RGS7BP: variants seen among roughly 807,000 people sequenced by gnomAD.
RGS7BP encodes the protein regulator of G protein signaling 7-binding protein.
In RGS7BP, 9 loss-of-function variants were observed where a neutral mutation model predicts 31.3. The ratio of observed to expected loss-of-function variants is 0.29; its 90% confidence interval spans 0.17 to 0.50. RGS7BP has a LOEUF of 0.50. Ranked by LOEUF, RGS7BP falls within the 20% of genes least tolerant of loss-of-function variation. RGS7BP has a pLI of 0.98. For missense variants in RGS7BP, 274 were observed against 322.0 expected (o/e 0.85, Z 1.14); for synonymous variants, 115 against 120.1 (o/e 0.96, Z 0.28).
intron 2 of RGS7BP, among the ~76,000 whole-genome samples, chr5:64,524,914 G>A: frequency 6.6e-6 from 1 of 152,074 alleles, no homozygotes; most frequent in Admixed American, 6.5e-5. Context: ...AGTCCCCAGA[G>A]TGGGTGGGTT....
chr5:64,575,932 A>C, intron 3 of RGS7BP, 28 bp downstream of exon 3: 2 of 1,598,318 alleles, frequency 1.3e-6, no homozygotes, highest in Non-Finnish European at 1.7e-6. Flanking sequence ...TGCCGGAAAC[A>C]CTGAGGAATG....
chr5:64,563,443 A>G (rs1185932146), intron 2 of RGS7BP, among the ~76,000 whole-genome samples: 3 of 152,168 alleles, frequency 2.0e-5, no homozygotes, highest in African/African-American at 7.2e-5. Flanking sequence ...GTGGGCCTCT[A>G]ATCCATCATG....
intron 3 of RGS7BP, among the ~76,000 whole-genome samples, chr5:64,583,159 A>G (rs1243297452): frequency 6.6e-6 from 1 of 152,174 alleles, no homozygotes; most frequent in East Asian, 1.9e-4. Flanking sequence ...AGGCCGAGGC[A>G]GGCAGATCGC....
chr5:64,577,744 T>TAC (rs1349057344), intron 3 of RGS7BP, among the ~76,000 whole-genome samples: 2 of 152,126 alleles, frequency 1.3e-5, no homozygotes, highest in African/African-American at 4.8e-5. Flanking sequence ...CTCTGACACA[T>TAC]ACACACACAC....
chr5:64,516,766 C>G (rs576554936), intron 2 of RGS7BP, among the ~76,000 whole-genome samples: 16 of 152,138 alleles, frequency 1.1e-4, no homozygotes, highest in Non-Finnish European at 2.4e-4. Flanking sequence ...TGAGGCCTAC[C>G]TGCCTAGAAT....
At chr5:64,540,310 G>A (rs149585676) in intron 2 of RGS7BP, among the ~76,000 whole-genome samples, 16 of 152,170 alleles carry the variant, frequency 1.1e-4, no homozygotes, top group African/African-American at 3.9e-4. Context: ...AACTCATGTT[G>A]TATGTACCAC....
intron 2 of RGS7BP, among the ~76,000 whole-genome samples, chr5:64,519,661 C>T (rs1347888967): frequency 1.3e-5 from 2 of 152,304 alleles, no homozygotes; most frequent in Middle Eastern, 3.4e-3. Flanking sequence ...GGAAAGAGAA[C>T]TAGGAGTTTA....
At chr5:64,597,794 G>A (rs1160295360) in intron 4 of RGS7BP, among the ~76,000 whole-genome samples, 2 of 151,966 alleles carry the variant, frequency 1.3e-5, no homozygotes, top group South Asian at 4.2e-4. Context: ...TGGGTAAAAC[G>A]TACATTATTG....
intron 2 of RGS7BP, among the ~76,000 whole-genome samples, chr5:64,544,199 C>A (rs1181161658): frequency 3.3e-5 from 5 of 152,170 alleles, no homozygotes; most frequent in Non-Finnish European, 7.3e-5. Context: ...ACAGTTCTTG[C>A]CTTCATAAAG....
intron 2 of RGS7BP, among the ~76,000 whole-genome samples, chr5:64,525,576 A>T (rs1161485567): frequency 1.3e-5 from 2 of 152,178 alleles, no homozygotes; most frequent in Non-Finnish European, 2.9e-5. Context: ...ATCCTTTCTA[A>T]CACCTCTATG....
chr5:64,534,074 A>G (rs1029508024), intron 2 of RGS7BP, among the ~76,000 whole-genome samples: 18 of 152,246 alleles, frequency 1.2e-4, no homozygotes, highest in African/African-American at 4.3e-4. Context: ...GGAAAAGAGC[A>G]GCTGATTCAG....
chr5:64,588,515 C>T (rs1433393072), intron 3 of RGS7BP, among the ~76,000 whole-genome samples: 1 of 152,198 alleles, frequency 6.6e-6, no homozygotes, highest in Non-Finnish European at 1.5e-5. Context: ...GGCCCTTTTG[C>T]TCCTCACTGT....
intron 1 of RGS7BP, 26 bp from the exon 2 acceptor site, chr5:64,507,681 TAAAA>T: frequency 7.7e-7 from 1 of 1,296,192 alleles, no homozygotes; most frequent in Non-Finnish European, 1.0e-6. Flanking sequence ...AAATGTTTGG[TAAAA>T]AAAAAAAAAC....
At chr5:64,588,976 G>A (rs941525443) in intron 3 of RGS7BP, among the ~76,000 whole-genome samples, 1 of 152,078 alleles carries the variant, frequency 6.6e-6, no homozygotes, top group African/African-American at 2.4e-5. Context: ...GTATCTCAAT[G>A]AATCGCTTTG....
intron 2 of RGS7BP, among the ~76,000 whole-genome samples, chr5:64,557,639 C>G (rs1741959780): frequency 6.6e-6 from 1 of 152,080 alleles, no homozygotes; most frequent in Non-Finnish European, 1.5e-5. Context: ...TTGTGTATCC[C>G]CTGCCTTTCC....
intron 2 of RGS7BP, among the ~76,000 whole-genome samples, chr5:64,537,106 AT>A (rs1741394905): frequency 6.6e-6 from 1 of 152,200 alleles, no homozygotes; most frequent in South Asian, 2.1e-4. Context: ...TATAATGAGT[AT>A]GGTTCTTGCC....
chr5:64,529,123 A>G (rs1749309532), intron 2 of RGS7BP, among the ~76,000 whole-genome samples: 1 of 152,206 alleles, frequency 6.6e-6, no homozygotes, highest in Admixed American at 6.5e-5. Flanking sequence ...TTATATTTTG[A>G]TTAGAAAAAT....
intron 2 of RGS7BP, among the ~76,000 whole-genome samples, chr5:64,550,132 T>C (rs72754874): frequency 0.21 from 32,419 of 152,170 alleles, 4,046 homozygotes; most frequent in South Asian, 0.34. Context: ...CCTCTACCCA[T>C]TACCCAGTTC....
chr5:64,512,799 A>G (rs1561318233), intron 2 of RGS7BP, among the ~76,000 whole-genome samples: 1 of 152,242 alleles, frequency 6.6e-6, no homozygotes, highest in Non-Finnish European at 1.5e-5. Context: ...ATGGCTATCA[A>G]AAAGCCTGTT....
Sources: allele counts gnomAD v4.1 joint callset (sites outside exome capture counted in the v4.1 genomes callset), GRCh38; gene constraint gnomAD v4.1.1; transcripts MANE v1.5; gene names NCBI Gene and HGNC (gene_info 2026-07-23, HGNC 2026-07-21).